CNGB1: variants seen among roughly 807,000 people sequenced by gnomAD.
CNGB1 encodes cyclic nucleotide gated channel subunit beta 1, also known as cyclic nucleotide-gated channel beta-1.
A neutral mutation model predicts 151.7 loss-of-function variants in CNGB1; 126 were observed. The observed-to-expected ratio is 0.83, with a 90% CI of 0.72 to 0.96. CNGB1 has a LOEUF of 0.96. Among genes scored for constraint, CNGB1 ranks in the 40% least tolerant of loss-of-function variants. The pLI is 0.00. For synonymous variants in CNGB1, 623 were observed against 635.1 expected (o/e 0.98, Z 0.29); for missense variants, 1,698 against 1,627.0 (o/e 1.04, Z -0.75).
chr16:57,958,386 C>CCACTCCA lies in CNGB1; in HGVS notation c.837+17_837+23dup, dbSNP rs750606471. 1.3e-5 allele frequency: 19 copies of CCACTCCA among 1,500,712 alleles called. No homozygotes were observed. In the African/African-American group the frequency reaches 3.7e-4, roughly 30 times the overall value. The allele number at this position is 1,500,712 out of a possible 1,614,324, so 93.0% of individuals were successfully genotyped here. On this transcript the variant is annotated intron_variant, in intron 11 of 32. Transcript: ENST00000251102. Reference sequence around the variant, plus strand: ...ACCCCTCCCACCACCACCAGGGCCACCACTCCATGAGCCCAGCACTGACCT... The same window carrying CCACTCCA: ...ACCCCTCCCACCACCACCAGGGCCACCACTCCACACTCCATGAGCCCAGCACTGACCT...
intron 16 of CNGB1, among the ~76,000 whole-genome samples, chr16:57,938,836 C>T (rs567263286): frequency 2.6e-5 from 4 of 152,170 alleles, no homozygotes; most frequent in African/African-American, 9.7e-5. Flanking sequence ...CTCCTTGGGA[C>T]TCTTTCTCCG....
At chr16:57,929,434 TGAGAGA>T (rs149439991) in intron 17 of CNGB1, among the ~76,000 whole-genome samples, 33 of 116,558 alleles carry the variant, frequency 2.8e-4, no homozygotes, top group Admixed American at 3.8e-4. Context: ...TACACAGCAG[TGAGAGA>T]GAGAGAGAGA....
Position 57,883,864 on chromosome 16 carries a change from AATC to A in CNGB1, c.*297_*299del. On this transcript the variant is annotated 3_prime_UTR_variant, in exon 33 of 33. Transcript: ENST00000251102. ...TCACCCATGAACTTTAAAAGTGGAAAATCATTTTGTTCTTAAAAAGAGGAACAG... is the reference window on the plus strand; with the variant it reads ...TCACCCATGAACTTTAAAAGTGGAAAATTTTGTTCTTAAAAAGAGGAACAG... The A allele has an allele frequency of 3.8e-6, 2 of 527,188 alleles. No homozygotes were observed. The highest frequency in any genetic ancestry group is 1.9e-5 in the African/African-American group (1 of 52,432). The allele number at this position is 527,188 out of a possible 1,614,324, so 32.7% of individuals were successfully genotyped here. A position where few individuals can be genotyped will look rare whatever the true frequency, so the allele number is the denominator to read the frequency against.
At chr16:57,905,871 G>A (rs1402414294) in intron 25 of CNGB1, among the ~76,000 whole-genome samples, 4 of 152,210 alleles carry the variant, frequency 2.6e-5, no homozygotes, top group Non-Finnish European at 4.4e-5. Context: ...CCAGCTTCCA[G>A]CACAGTGAAA....
Position 57,931,797 on chromosome 16 carries a change from G to A in CNGB1, c.1454C>T (p.Pro485Leu), listed in dbSNP as rs1316041111. ...DSCPLMAEEN[P>L]PSTVLPPPSP... Reference sequence around the variant, plus strand: ...CGGTGGCGGCAACACGGTTGAGGGTGGATTCTCTTCTGCCATGAGGGGGCA... The same window carrying A: ...CGGTGGCGGCAACACGGTTGAGGGTAGATTCTCTTCTGCCATGAGGGGGCA... The change falls in exon 17 of 33, where the codon CCA becomes CTA. Residue 485 changes from proline to leucine, a missense_variant. Transcript: ENST00000251102. The A allele has an allele frequency of 6.2e-7, 1 of 1,614,164 alleles. No individual in the cohort carries two copies. Among genetic ancestry groups the A allele is most frequent in the South Asian group, 1.1e-5 (1 of 91,078 alleles).
At chr16:57,961,504 C>T (rs1962254288) in intron 7 of CNGB1, among the ~76,000 whole-genome samples, 1 of 152,032 alleles carries the variant, frequency 6.6e-6, no homozygotes, top group African/African-American at 2.4e-5. Flanking sequence ...CAAGTATGGC[C>T]CAAAAGAAGG....
chr16:57,923,442 C>A, intron 17 of CNGB1, 62 bp from the exon 18 acceptor site: 1 of 1,365,460 alleles, frequency 7.3e-7, no homozygotes, highest in South Asian at 1.2e-5. Context: ...GGAGAAGTGT[C>A]ATGACTTTGA....
chr16:57,932,543 C>CA (rs1399904642), intron 16 of CNGB1, among the ~76,000 whole-genome samples: 1 of 151,684 alleles, frequency 6.6e-6, no homozygotes, highest in African/African-American at 2.4e-5. Flanking sequence ...GCTGGGACTA[C>CA]AGGCTCCCGC....
chr16:57,940,186 A>C, intron 15 of CNGB1, 48 bp downstream of exon 15: 1 of 1,514,078 alleles, frequency 6.6e-7, no homozygotes, highest in Non-Finnish European at 9.0e-7. Flanking sequence ...TCCTTCCACC[A>C]ATGCCAAGCC....
intron 31 of CNGB1, among the ~76,000 whole-genome samples, chr16:57,894,008 A>T (rs746761273): frequency 4.6e-5 from 7 of 152,170 alleles, no homozygotes; most frequent in Non-Finnish European, 1.0e-4. Flanking sequence ...CTCAATTTGA[A>T]ACCTGATCTT....
intron 9 of CNGB1, 60 bp downstream of exon 9, chr16:57,960,422 T>A: frequency 6.3e-7 from 1 of 1,580,094 alleles, no homozygotes; most frequent in African/African-American, 1.4e-5. Flanking sequence ...GCCCAGTTGA[T>A]CCCTGAGCCC....
chr16:57,905,325 T>G (rs1244297598), intron 25 of CNGB1, among the ~76,000 whole-genome samples: 1 of 152,152 alleles, frequency 6.6e-6, no homozygotes, highest in Non-Finnish European at 1.5e-5. Flanking sequence ...GGATGACTTT[T>G]TCTGACCCGC....
chr16:57,910,702 CAG>C (rs1960687321), intron 25 of CNGB1, among the ~76,000 whole-genome samples: 1 of 99,566 alleles, frequency 1.0e-5, no homozygotes, highest in Non-Finnish European at 1.9e-5. Context: ...TTTTCCCAAG[CAG>C]AGATTTTTTT....
chr16:57,901,708 G>A, intron 27 of CNGB1, 83 bp from the exon 28 acceptor site: 3 of 1,066,452 alleles, frequency 2.8e-6, no homozygotes, highest in Non-Finnish European at 4.3e-6. Context: ...CCACCTACTG[G>A]CTCACCAGGG....
At chr16:57,917,641 C>G (rs919418243) in intron 20 of CNGB1, among the ~76,000 whole-genome samples, 165 bp from the exon 21 acceptor site, 1 of 149,844 alleles carries the variant, frequency 6.7e-6, no homozygotes, top group Non-Finnish European at 1.5e-5. Context: ...CACACACACA[C>G]ACACACACAT....
In CNGB1 at chr16:57,887,853, A is replaced by T. The variant is rs750641757; in HGVS notation, c.3462+2T>A. On this transcript the variant is annotated splice_donor_variant, in intron 32 of 32. Transcript: ENST00000251102. LOFTEE classifies it high-confidence loss of function. Reference sequence around the variant, plus strand: ...TGGTGGCTGGGTTCCCAACCACATTACCTGTTCCACCAACTCTTGCTGCTT... The same window carrying T: ...TGGTGGCTGGGTTCCCAACCACATTTCCTGTTCCACCAACTCTTGCTGCTT... The T allele has an allele frequency of 6.2e-7, 1 of 1,613,966 alleles. No homozygotes were observed. The highest frequency in any genetic ancestry group is 8.5e-7 in the Non-Finnish European group (1 of 1,179,970).
rs1278307378 is a variant in CNGB1 at position 57,882,780 on chromosome 16, T to C, written c.*1384A>G. ...TATTCATTCCCTGAATGACCCTTTTTTCTTTTTTTTTCTTTTTTCTTTTTT... is the reference window on the plus strand; with the variant it reads ...TATTCATTCCCTGAATGACCCTTTTCTCTTTTTTTTTCTTTTTTCTTTTTT... On this transcript the variant is annotated 3_prime_UTR_variant, in exon 33 of 33. Coordinates refer to ENST00000251102, the MANE Select transcript of CNGB1 (RefSeq NM_001297.5). The C allele has an allele frequency of 2.0e-5, 3 of 148,094 alleles. No individual in the cohort carries two copies. The highest frequency in any genetic ancestry group is 4.4e-5 in the Non-Finnish European group (3 of 67,442). The allele number at this position is 148,094 out of a possible 1,614,324, so 9.2% of individuals were successfully genotyped here. A position where few individuals can be genotyped will look rare whatever the true frequency, so the allele number is the denominator to read the frequency against.
At position 57,958,312 on chromosome 16, in the gene CNGB1, G is replaced by A. The variant is rs1198298917; in HGVS notation, c.837+98C>T. On this transcript the variant is annotated intron_variant, in intron 11 of 32. Coordinates refer to ENST00000251102, the MANE Select transcript of CNGB1 (RefSeq NM_001297.5). ...GCAGACAGGAAGGCTGGGGGAGCTG[G>A]GCTTCTGCCACAGGGCCAACCATCC... The A allele has an allele frequency of 9.1e-6, 6 of 657,016 alleles. No homozygotes were observed. In the Admixed American group the frequency reaches 9.8e-5, roughly 11 times the overall value. The allele number at this position is 657,016 out of a possible 1,614,324, so 40.7% of individuals were successfully genotyped here. A position where few individuals can be genotyped will look rare whatever the true frequency, so the allele number is the denominator to read the frequency against.
chr16:57,897,526 C>T lies in CNGB1; in HGVS notation c.3113G>A (p.Gly1038Asp). The T allele has an allele frequency of 1.2e-6, 2 of 1,614,136 alleles. No individual in the cohort carries two copies. Among genetic ancestry groups the T allele is most frequent in the African/African-American group, 1.3e-5 (1 of 75,048 alleles). The part of the protein sequence containing the change: ...FGEISLLAVG[G>D]GNRRTANVVA... ...CACGTTGGCCGTGCGCCGGTTCCCG[C>T]CCCCAACAGCCAGCAAGCTGGGGCA... Residue 1038 changes from glycine (G) to aspartate (D), a missense_variant, in exon 31 of 33, where the codon GGC becomes GAC. Transcript: ENST00000251102.
Sources: gnomAD v4.1 joint callset for allele counts (sites outside exome capture counted in the v4.1 genomes callset) on GRCh38, gnomAD v4.1.1 for gene constraint, MANE v1.5 for transcripts, NCBI Gene and HGNC (gene_info 2026-07-23, HGNC 2026-07-21) for gene names.